Variants in TMEM192 observed in about 807,000 individuals in gnomAD.
TMEM192 encodes the protein transmembrane protein 192.
Under a neutral mutation model 26.7 loss-of-function variants are expected in TMEM192, and 20 were observed. The ratio of observed to expected loss-of-function variants is 0.75; its 90% CI spans 0.53 to 1.09. The LOEUF (loss-of-function observed/expected upper bound fraction) is 1.09, where lower values mean the gene tolerates loss of function less well. TMEM192 is among the 50% of genes least tolerant of loss of function. The pLI is 0.00. For synonymous variants in TMEM192, 124 were observed against 121.0 expected, an observed-to-expected ratio of 1.02 and a Z score of -0.16; for missense variants, 304 against 322.6, an observed-to-expected ratio of 0.94 and a Z score of 0.44.
At chr4:165,086,885 G>A (rs1007852862) in intron 4 of TMEM192, among the ~76,000 whole-genome samples, 4 of 152,042 alleles carry the variant, frequency 2.6e-5, no homozygotes, top group African/African-American at 4.8e-5. Flanking sequence ...AGGCCGAGGC[G>A]GATAGATGAC....
chr4:165,085,507 C>A, intron 5 of TMEM192, 79 bp downstream of exon 5: 2 of 907,722 alleles, frequency 2.2e-6, no homozygotes, highest in South Asian at 1.5e-5. Flanking sequence ...AATACACAAT[C>A]ATAAATTCCA....
At chr4:165,088,085 AT>A (rs1734667178) in intron 4 of TMEM192, among the ~76,000 whole-genome samples, 1 of 151,854 alleles carries the variant, frequency 6.6e-6, no homozygotes, top group Admixed American at 6.6e-5. Context: ...AATTTTTTGT[AT>A]TTTTTGTAGA....
intron 1 of TMEM192, among the ~76,000 whole-genome samples, chr4:165,106,968 T>C (rs1735175474): frequency 6.6e-6 from 1 of 152,154 alleles, no homozygotes; most frequent in East Asian, 1.9e-4. Flanking sequence ...GTCCAAATTC[T>C]TAGTCTATCG....
chr4:165,096,682 A>G (rs1734915701), intron 3 of TMEM192, among the ~76,000 whole-genome samples: 1 of 151,294 alleles, frequency 6.6e-6, no homozygotes, highest in Non-Finnish European at 1.5e-5. Flanking sequence ...GAAATAAGGT[A>G]AGTACCTGCT....
rs1734335882 is a variant in TMEM192 at position 165,074,684 on chromosome 4, C to T, written c.*4974G>A. ...GGTCTCGAACTCCTGACCTCATGAT[C>T]CGCCTGCCTCGGCCTCCCAAAGTGC... On this transcript the variant is annotated 3_prime_UTR_variant, in exon 6 of 6. Transcript: ENST00000306480. The T allele has an allele frequency of 6.6e-6, 1 of 151,906 alleles. No homozygotes were observed. The highest frequency in any genetic ancestry group is 1.5e-5 in the Non-Finnish European group (1 of 68,050). The allele number at this position is 151,906 out of a possible 1,614,324, so 9.4% of individuals were successfully genotyped here.
intron 1 of TMEM192, among the ~76,000 whole-genome samples, chr4:165,104,572 C>G (rs137886864): frequency 3.3e-5 from 5 of 152,144 alleles, no homozygotes; most frequent in South Asian, 2.1e-4. Context: ...GCTCTGTCGC[C>G]GAGGCTGGAG....
At chr4:165,109,012 GT>G (rs1416534770) in intron 1 of TMEM192, among the ~76,000 whole-genome samples, 3 of 152,158 alleles carry the variant, frequency 2.0e-5, no homozygotes, top group Admixed American at 6.5e-5. Flanking sequence ...ATTGTCTGAT[GT>G]CCGGTATCTC....
At chr4:165,107,690 T>A (rs1735197220) in intron 1 of TMEM192, among the ~76,000 whole-genome samples, 1 of 152,154 alleles carries the variant, frequency 6.6e-6, no homozygotes, top group Non-Finnish European at 1.5e-5. Flanking sequence ...GCCGTCTGCT[T>A]ATGATACCCG....
intron 1 of TMEM192, among the ~76,000 whole-genome samples, chr4:165,111,419 G>A (rs535324827): frequency 6.6e-6 from 1 of 152,328 alleles, no homozygotes; most frequent in African/African-American, 2.4e-5. Flanking sequence ...TGAGGAAGCA[G>A]ATTTCTAGTA....
chr4:165,070,736 G>T lies in TMEM192; in HGVS notation c.*8922C>A, dbSNP rs187437224. 6.6e-6 allele frequency: 1 copy of T among 152,138 alleles called. No homozygotes were observed. The allele number at this position is 152,138 out of a possible 1,614,324, so 9.4% of individuals were successfully genotyped here. A position where few individuals can be genotyped will look rare whatever the true frequency, so the allele number is the denominator to read the frequency against. On this transcript the variant is annotated 3_prime_UTR_variant, in exon 6 of 6. Coordinates refer to ENST00000306480, the MANE Select transcript of TMEM192 (RefSeq NM_001100389.2). Reference sequence around the variant, plus strand: ...ACATCATAAACAGAAAGTGAAAACAGAGCCCAGGTTACAGCTGGATTACAG... The same window carrying T: ...ACATCATAAACAGAAAGTGAAAACATAGCCCAGGTTACAGCTGGATTACAG...
chr4:165,097,459 A>C (rs1317081335), intron 3 of TMEM192, among the ~76,000 whole-genome samples: 1 of 141,500 alleles, frequency 7.1e-6, no homozygotes, highest in Non-Finnish European at 1.5e-5. Flanking sequence ...GCGCCACTGC[A>C]CTCCAGCCTG....
intron 3 of TMEM192, among the ~76,000 whole-genome samples, chr4:165,097,130 T>C (rs556649200): frequency 4.6e-5 from 7 of 152,244 alleles, no homozygotes; most frequent in African/African-American, 1.2e-4. Flanking sequence ...TTCACGCTGA[T>C]ATAGCATAGC....
At chr4:165,108,566 C>G (rs923282642) in intron 1 of TMEM192, among the ~76,000 whole-genome samples, 4 of 152,168 alleles carry the variant, frequency 2.6e-5, no homozygotes, top group African/African-American at 9.7e-5. Flanking sequence ...TCTGAGTACT[C>G]TACCTACATG....
At chr4:165,098,149 A>G (rs1206790067) in intron 3 of TMEM192, among the ~76,000 whole-genome samples, 1 of 148,584 alleles carries the variant, frequency 6.7e-6, no homozygotes, top group East Asian at 2.0e-4. Flanking sequence ...TTTTAGACAG[A>G]GTTTCGCTCT....
intron 3 of TMEM192, among the ~76,000 whole-genome samples, chr4:165,089,667 A>G (rs112562556): frequency 4.6e-5 from 7 of 152,008 alleles, no homozygotes; most frequent in African/African-American, 1.4e-4. Flanking sequence ...GGGAGAGAGG[A>G]GTCTAGTTTC....
chr4:165,101,472 T>A (rs1364106075), intron 2 of TMEM192, among the ~76,000 whole-genome samples: 1 of 152,146 alleles, frequency 6.6e-6, no homozygotes, highest in Non-Finnish European at 1.5e-5. Flanking sequence ...GCTCAAGCGA[T>A]CCTCCTACCT....
At chr4:165,093,534 C>T (rs1329332908) in intron 3 of TMEM192, among the ~76,000 whole-genome samples, 1 of 152,118 alleles carries the variant, frequency 6.6e-6, no homozygotes, top group Non-Finnish European at 1.5e-5. Context: ...GGTGGGAAAG[C>T]CATACTGAAA....
At chr4:165,111,949 A>C (rs1420739297) in intron 1 of TMEM192, among the ~76,000 whole-genome samples, 3 of 152,242 alleles carry the variant, frequency 2.0e-5, no homozygotes, top group African/African-American at 7.2e-5. Flanking sequence ...TGGAAAATCC[A>C]GTTAACTCTC....
chr4:165,096,849 A>G (rs1734919043), intron 3 of TMEM192, among the ~76,000 whole-genome samples: 1 of 152,198 alleles, frequency 6.6e-6, no homozygotes, highest in Admixed American at 6.6e-5. Flanking sequence ...AAGATCAAAT[A>G]ATCTCCTTGT....
Sources: gnomAD v4.1 joint callset for allele counts (sites outside exome capture counted in the v4.1 genomes callset) on GRCh38, gnomAD v4.1.1 for gene constraint, MANE v1.5 for transcripts, NCBI Gene and HGNC (gene_info 2026-07-23, HGNC 2026-07-21) for gene names.